Variants in SEMA4D observed in about 807,000 individuals in gnomAD.
The protein encoded by SEMA4D is semaphorin-4D.
A neutral mutation model predicts 74.8 loss-of-function variants in SEMA4D; 22 were observed. The ratio of observed to expected loss-of-function variants is 0.29; its 90% CI spans 0.21 to 0.42. The LOEUF (loss-of-function observed/expected upper bound fraction) is 0.42, where lower values mean the gene tolerates loss of function less well. Among genes scored for constraint, SEMA4D ranks in the 10% least tolerant of loss-of-function variants. The probability of loss-of-function intolerance (pLI) is 1.00; values close to 1 mark genes in which losing one functional copy is unlikely to be tolerated. For synonymous variants in SEMA4D, 445 were observed against 463.7 expected, an observed-to-expected ratio of 0.96 and a Z score of 0.52; for missense variants, 937 against 1,118.4, an observed-to-expected ratio of 0.84 and a Z score of 2.31.
chr9:89,394,460 A>C (rs1840488048), intron 6 of SEMA4D, among the ~76,000 whole-genome samples: 1 of 152,260 alleles, frequency 6.6e-6, no homozygotes, highest in Admixed American at 6.5e-5. Context: ...AAATCCAGCA[A>C]GTGACAGAAG....
At chr9:89,465,277 G>A (rs571643650) in intron 1 of SEMA4D, among the ~76,000 whole-genome samples, 4 of 152,160 alleles carry the variant, frequency 2.6e-5, no homozygotes, top group African/African-American at 9.7e-5. Flanking sequence ...CAGGAAACCA[G>A]CACCATCCAT....
chr9:89,363,581 C>G, intron 17 of SEMA4D: 3 of 1,608,654 alleles, frequency 1.9e-6, no homozygotes, highest in South Asian at 2.2e-5. Flanking sequence ...TTATGGCACC[C>G]TTGATGCCCA....
chr9:89,409,659 C>T (rs1844088923), intron 2 of SEMA4D, among the ~76,000 whole-genome samples: 1 of 152,144 alleles, frequency 6.6e-6, no homozygotes, highest in Admixed American at 6.5e-5. Context: ...GGGTTCATGG[C>T]CTGGACACAT....
At chr9:89,427,651 T>C (rs1409072835) in intron 2 of SEMA4D, among the ~76,000 whole-genome samples, 2 of 152,202 alleles carry the variant, frequency 1.3e-5, no homozygotes, top group African/African-American at 4.8e-5. Context: ...CACCTGCAAG[T>C]GGCATTTAGT....
Position 89,379,445 on chromosome 9 carries a change from T to C in SEMA4D, c.1848A>G (p.Glu616=), listed in dbSNP as rs980028789. The change falls in exon 16 of 16, where the codon GAA becomes GAG. Residue 616 remains glutamate (E), a synonymous_variant. Transcript: ENST00000422704. ...RKNLLIFNLS[E]GDSGVYQCLS... is the part of the protein sequence containing the mutation. ...GGCACTGGTACACCCCACTGTCTCC[T>C]TCTGACAAGTTGAAGATGAGCAAGT... is the stretch of plus-strand genomic sequence containing the variant. The C allele has an allele frequency of 1.9e-6, 3 of 1,614,212 alleles. No homozygotes were observed. Among genetic ancestry groups the C allele is most frequent in the Middle Eastern group, 3.3e-4 (2 of 6,062 alleles).
At chr9:89,452,770 A>C (rs1464068181) in intron 2 of SEMA4D, among the ~76,000 whole-genome samples, 1 of 152,224 alleles carries the variant, frequency 6.6e-6, no homozygotes, top group Non-Finnish European at 1.5e-5. Flanking sequence ...CTGTTAAAGC[A>C]GCTTTGGGAT....
chr9:89,446,685 A>G (rs559206967), intron 2 of SEMA4D, among the ~76,000 whole-genome samples: 1 of 152,248 alleles, frequency 6.6e-6, no homozygotes, highest in South Asian at 2.1e-4. Flanking sequence ...GGTGTGGGCC[A>G]TCCTGGACCC....
chr9:89,484,599 G>A lies in SEMA4D; in HGVS notation c.-310+13320C>T, dbSNP rs552837029. 6.6e-6 allele frequency among the ~76,000 whole-genome samples: 1 copy of A among 151,574 alleles called. No homozygotes were observed. Among genetic ancestry groups the A allele is most frequent in the South Asian group, 2.1e-4 (1 of 4,792 alleles). On this transcript the variant is annotated intron_variant, in intron 1 of 15. Transcript: ENST00000422704. This position sits in a 1 kb window ranked among gnomAD's most constrained non-coding sequence, Gnocchi z 4.1. ...ATGGTGGGGTATGTGTGTAGTATGG[G>A]GTGTTCCGTGGTGTGATGTGCGGTG...
intron 1 of SEMA4D, among the ~76,000 whole-genome samples, chr9:89,469,248 G>C (rs982891786): frequency 2.0e-5 from 3 of 152,092 alleles, no homozygotes; most frequent in African/African-American, 7.2e-5. Flanking sequence ...ATAGATACCT[G>C]AGCAATACTA....
Position 89,441,701 on chromosome 9 carries a change from TCCTCAGTAC to T in SEMA4D, c.-244+14178_-244+14186del, listed in dbSNP as rs1343102756. Among the ~76,000 whole-genome samples, 6 of 152,150 alleles carry T rather than the reference TCCTCAGTAC, an allele frequency of 3.9e-5. No homozygotes were observed. In the South Asian group the frequency reaches 1.2e-3, roughly 31 times the overall value. Reference sequence around the variant, plus strand: ...GCTGTGGCTGCTTTGTCCCTGGGTGTCCTCAGTACCCTCTTTGTCATTTCAGCCCCAATA... The same window carrying T: ...GCTGTGGCTGCTTTGTCCCTGGGTGTCCTCTTTGTCATTTCAGCCCCAATA... On this transcript the variant is annotated intron_variant, in intron 2 of 15. Coordinates refer to ENST00000422704, the MANE Select transcript of SEMA4D (RefSeq NM_001371194.2).
intron 9 of SEMA4D, among the ~76,000 whole-genome samples, chr9:89,390,230 C>T (rs1839524325): frequency 6.6e-6 from 1 of 152,224 alleles, no homozygotes; most frequent in Non-Finnish European, 1.5e-5. Flanking sequence ...ATTCTGAGCA[C>T]TGTGCACGCC....
intron 1 of SEMA4D, among the ~76,000 whole-genome samples, chr9:89,460,360 T>C (rs1856925778): frequency 6.6e-6 from 1 of 152,236 alleles, no homozygotes; most frequent in Admixed American, 6.5e-5. Flanking sequence ...TTCAGACACA[T>C]GTGATCTCAT....
At chr9:89,418,137 A>G (rs1846104815) in intron 2 of SEMA4D, 3 of 981,724 alleles carry the variant, frequency 3.1e-6, no homozygotes, top group Non-Finnish European at 3.6e-6. Context: ...ATAATGGGAA[A>G]CAAGGCTATT....
chr9:89,366,675 C>G lies in SEMA4D; in HGVS notation c.1883-2725G>C, dbSNP rs78533382. ...CTATGTACATCTAGGTGCCCATCAA[C>G]TGGGGAATAGATATTCCCTTTCCCA... On this transcript the variant is annotated intron_variant, in intron 16 of 18. Coordinates refer to the SEMA4D transcript ENST00000339861. Among the ~76,000 whole-genome samples the G allele has an allele frequency of 7.5e-3, 1,144 of 152,332 alleles. 12 individuals are homozygous for G. The highest frequency in any genetic ancestry group is 0.021 in the African/African-American group (875 of 41,566).
intron 15 of SEMA4D, 55 bp downstream of exon 15, chr9:89,381,000 T>C (rs1418606163): frequency 1.2e-6 from 2 of 1,604,262 alleles, no homozygotes; most frequent in South Asian, 1.1e-5. Context: ...CACCGTGAAA[T>C]GGCTACAAGA....
chr9:89,453,793 G>T (rs1022547979), intron 2 of SEMA4D, among the ~76,000 whole-genome samples: 1 of 151,950 alleles, frequency 6.6e-6, no homozygotes, highest in African/African-American at 2.4e-5. Flanking sequence ...GCCACTTCAC[G>T]CTGGGAAAAG....
In SEMA4D at chr9:89,370,754, TTGTGAGGGGTGTGATGTG is replaced by T. The variant is rs1434891467; in HGVS notation, c.1882+6061_1882+6078del. On this transcript the variant is annotated intron_variant, in intron 16 of 18. Coordinates refer to the SEMA4D transcript ENST00000339861. ...GGTGTGGTGTGTGTGTGGGGTGTGG[TTGTGAGGGGTGTGATGTG>T]TGTGTGGGGTGGGGTGTATGTGTGG... Among the ~76,000 whole-genome samples the T allele has an allele frequency of 2.6e-5, 3 of 116,878 alleles. 1 individual carries two copies. The highest frequency in any genetic ancestry group is 9.7e-5 in the African/African-American group (3 of 30,886). The allele number at this position is 116,878 out of a possible 152,430, so 76.7% of individuals were successfully genotyped here.
chr9:89,479,070 G>T (rs1588167551), intron 1 of SEMA4D, among the ~76,000 whole-genome samples: 2 of 152,156 alleles, frequency 1.3e-5, no homozygotes, highest in South Asian at 4.1e-4. Context: ...GAATACCAGG[G>T]CTGCCCACTG....
intron 1 of SEMA4D, among the ~76,000 whole-genome samples, chr9:89,485,472 G>C (rs1209528923): frequency 3.3e-5 from 5 of 152,066 alleles, no homozygotes; most frequent in Admixed American, 3.3e-4. Flanking sequence ...TGGCCAAAGG[G>C]TACATGTGCC....
Sources: allele counts gnomAD v4.1 joint callset (sites outside exome capture counted in the v4.1 genomes callset), GRCh38; gene constraint gnomAD v4.1.1; non-coding constraint Gnocchi (gnomAD v3.1); transcripts MANE v1.5; gene names NCBI Gene and HGNC (gene_info 2026-07-23, HGNC 2026-07-21).